Variants in DOP1A observed in about 807,000 individuals in gnomAD.
DOP1A encodes DOP1 leucine zipper like protein A, also known as protein DOP1A.
A neutral mutation model predicts 267.6 loss-of-function variants in DOP1A; 90 were observed. That is an observed-to-expected ratio of 0.34 (90% CI 0.28 to 0.40). The LOEUF is 0.40. DOP1A is among the 10% of genes least tolerant of loss of function. The pLI is 1.00. For missense variants in DOP1A, 2,437 were observed against 2,900.4 expected, an observed-to-expected ratio of 0.84 and a Z score of 3.67; for synonymous variants, 932 against 999.1, an observed-to-expected ratio of 0.93 and a Z score of 1.27.
chr6:83,163,328 A>T (rs982409380), intron 38 of DOP1A, among the ~76,000 whole-genome samples: 9 of 152,180 alleles, frequency 5.9e-5, no homozygotes, highest in Non-Finnish European at 7.3e-5. Flanking sequence ...TGACAAACAA[A>T]AGTATGAGTT....
rs184014992 is a variant in DOP1A at position 83,139,173 on chromosome 6, A to G, written c.5120+11A>G. ...ATTATCTGATAGTAGGTAAGAGGTG[A>G]TTTTTAACTTTATTGGTACTGACAT... is the stretch of plus-strand genomic sequence containing the variant. On this transcript the variant is annotated intron_variant, in intron 21 of 38. Transcript: ENST00000349129. 16 of 1,590,806 alleles carry G rather than the reference A, an allele frequency of 1.0e-5. No homozygotes were observed. In the East Asian group the frequency reaches 3.4e-4, roughly 33 times the overall value.
intron 2 of DOP1A, 50 bp downstream of exon 2, chr6:83,096,873 A>G: frequency 7.5e-7 from 1 of 1,334,206 alleles, no homozygotes; most frequent in Non-Finnish European, 1.0e-6. Context: ...AGATCATATG[A>G]ACCCGTTTTA....
intron 7 of DOP1A, among the ~76,000 whole-genome samples, chr6:83,116,821 C>CA (rs1208418535): frequency 6.6e-6 from 1 of 151,908 alleles, no homozygotes; most frequent in African/African-American, 2.4e-5. Context: ...AAAAAAAATC[C>CA]AAAAAATACA....
At position 83,129,507 on chromosome 6, in the gene DOP1A, T is replaced by C. The variant is rs761874146; in HGVS notation, c.2340T>C (p.Thr780=). ...AGTTACGTTCTGAAAAATTGGAGAC[T>C]GGTAAGGTCATCTCAGTTTTGCTTA... ...TSELRSEKLE[T]DCEHVQPPQW... The change falls in exon 16 of 39, where the codon ACT becomes ACC. Residue 780 remains threonine, a splice_region_variant and synonymous_variant. Coordinates refer to ENST00000349129, the MANE Select transcript of DOP1A (RefSeq NM_015018.4). 1.3e-6 allele frequency: 2 copies of C among 1,513,982 alleles called. No individual in the cohort carries two copies. The highest frequency in any genetic ancestry group is 2.3e-5 in the East Asian group (1 of 43,576). 93.8% of individuals were successfully genotyped at this position (1,513,982 alleles called of 1,614,324 possible). A position where few individuals can be genotyped will look rare whatever the true frequency, so the allele number is the denominator to read the frequency against.
chr6:83,171,313 CTATTTT>C (rs901618958), downstream of DOP1A: 8 of 152,026 alleles, frequency 5.3e-5, no homozygotes, highest in African/African-American at 1.9e-4. Flanking sequence ...TTTTTTATAT[CTATTTT>C]TAATTTTCCA....
At position 83,168,215 on chromosome 6, in the gene DOP1A, A is replaced by G. The variant is rs1786328608; in HGVS notation, c.*48A>G. 1 of 1,563,092 alleles carries G rather than the reference A, an allele frequency of 6.4e-7. No homozygotes were observed. Among genetic ancestry groups the G allele is most frequent in the Non-Finnish European group, 8.6e-7 (1 of 1,159,896 alleles). On this transcript the variant is annotated 3_prime_UTR_variant, in exon 39 of 39. Coordinates refer to ENST00000349129, the MANE Select transcript of DOP1A (RefSeq NM_015018.4). ...GCTTACATGTAAATGTAATTATTTA[A>G]AACACACACACTGCTCTGCGTTGTA...
At chr6:83,099,625 C>G (rs1198160166) in intron 3 of DOP1A, among the ~76,000 whole-genome samples, 2 of 151,566 alleles carry the variant, frequency 1.3e-5, no homozygotes, top group African/African-American at 4.9e-5. Flanking sequence ...GAAGAATACC[C>G]AAGTTGTTTA....
intron 36 of DOP1A, 70 bp from the exon 37 acceptor site, chr6:83,159,726 T>C: frequency 6.4e-7 from 1 of 1,563,800 alleles, no homozygotes; most frequent in Non-Finnish European, 8.8e-7. Context: ...AGCTGGTACT[T>C]TTAGATCTTT....
chr6:83,068,033 G>C (rs1424163279), intron 1 of DOP1A, among the ~76,000 whole-genome samples: 2 of 152,180 alleles, frequency 1.3e-5, no homozygotes, highest in African/African-American at 2.4e-5. Flanking sequence ...GCAGAGGCGC[G>C]AGGGCGGCCC....
intron 7 of DOP1A, among the ~76,000 whole-genome samples, chr6:83,114,450 T>C (rs1297317733): frequency 6.6e-6 from 1 of 152,176 alleles, no homozygotes; most frequent in Non-Finnish European, 1.5e-5. Context: ...TTAAGAAAGA[T>C]TTATGTTTTT....
In DOP1A at chr6:83,167,982, C is replaced by A. The variant is rs1249610275; in HGVS notation, c.7213C>A (p.Gln2405Lys). 1 of 1,614,042 alleles carries A rather than the reference C, an allele frequency of 6.2e-7. No individual in the cohort carries two copies. Among genetic ancestry groups the A allele is most frequent in the Non-Finnish European group, 8.5e-7 (1 of 1,180,038 alleles). Residue 2405 changes from glutamine (Q) to lysine (K), a missense_variant, in exon 39 of 39, where the codon CAA becomes AAA. Transcript: ENST00000349129. ...CCTGCCGTTCTTCAATGTGCTCAGT[C>A]AAGTCTTCAACAGCAAAGTCACAAG... ...QLLPFFNVLS[Q>K]VFNSKVTSRC...
intron 1 of DOP1A, 63 bp from the exon 2 acceptor site, chr6:83,096,668 G>A (rs568091325): frequency 2.4e-6 from 1 of 413,708 alleles, no homozygotes; most frequent in South Asian, 1.1e-4. Context: ...ATTGAAATAA[G>A]TATAAGAAAA....
Position 83,125,659 on chromosome 6 carries a change from TCTG to T in DOP1A, c.1648_1650del (p.Ala550del), listed in dbSNP as rs751917952. On this transcript the variant is annotated inframe_deletion, in exon 15 of 39. Transcript: ENST00000349129. The stretch of plus-strand genomic sequence containing the variant: ...TAGCAAGGTTCAGCCTCCACTGTTA[TCTG>T]CTAGCACTGGAGGTGTTTTGCAGTT... The T allele has an allele frequency of 6.2e-7, 1 of 1,613,788 alleles. No individual in the cohort carries two copies. The highest frequency in any genetic ancestry group is 1.3e-5 in the African/African-American group (1 of 75,022).
chr6:83,166,465 A>C, intron 38 of DOP1A: 2 of 700,828 alleles, frequency 2.9e-6, no homozygotes, highest in Non-Finnish European at 5.2e-6. Flanking sequence ...CTGCTTTATA[A>C]CCTATTTTGA....
chr6:83,145,207 A>ATATATATTTAAAAGT (rs372648555), intron 24 of DOP1A, among the ~76,000 whole-genome samples: 1 of 2,796 alleles, frequency 3.6e-4, no homozygotes, highest in African/African-American at 1.6e-3. Context: ...TATATATAAT[A>ATATATATTTAAAAGT]ATATATATAT....
chr6:83,151,697 C>T (rs1781712909), intron 28 of DOP1A, 38 bp downstream of exon 28: 2 of 1,557,950 alleles, frequency 1.3e-6, no homozygotes, highest in East Asian at 4.5e-5. Context: ...AACTGTTTCT[C>T]AGTGCCCTCA....
At chr6:83,148,285 G>A (rs1237136839) in intron 26 of DOP1A, among the ~76,000 whole-genome samples, 2 of 152,014 alleles carry the variant, frequency 1.3e-5, no homozygotes, top group African/African-American at 4.8e-5. Flanking sequence ...GGCAGCGCAC[G>A]CCTGTAGTCC....
intron 1 of DOP1A, among the ~76,000 whole-genome samples, chr6:83,085,782 TG>T (rs1769074287): frequency 3.9e-5 from 2 of 50,978 alleles, no homozygotes; most frequent in South Asian, 1.5e-3. Context: ...CGGTATTTTA[TG>T]TTATGTTATG....
At position 83,108,978 on chromosome 6, in the gene DOP1A, A is replaced by T. The variant is rs780884557; in HGVS notation, c.389A>T (p.Glu130Val). 1 of 1,613,790 alleles carries T rather than the reference A, an allele frequency of 6.2e-7. No individual in the cohort carries two copies. Among genetic ancestry groups the T allele is most frequent in the Admixed American group, 1.7e-5 (1 of 60,008 alleles). ...AAACCAACATTGCTCAGTTTGTATGAGATATATTATCTGCCTTTGGGTAAA... is the reference window on the plus strand; with the variant it reads ...AAACCAACATTGCTCAGTTTGTATGTGATATATTATCTGCCTTTGGGTAAA... ...SVKPTLLSLYEIYYLPLGKTL... is the reference protein window; with the variant it reads ...SVKPTLLSLYVIYYLPLGKTL... Residue 130 changes from glutamate (E) to valine (V), a missense_variant, in exon 5 of 39, where the codon GAG (glutamate) becomes GTG (valine). Glu to Val is a moderately radical substitution (Grantham distance 121). Around this residue, in one of 9 missense-constraint regions of DOP1A, gnomAD observed 251 missense variants for 359.1 expected, o/e 0.70. Transcript: ENST00000349129.
Sources: gnomAD v4.1 joint callset for allele counts (sites outside exome capture counted in the v4.1 genomes callset) on GRCh38, gnomAD v4.1.1 for gene constraint, gnomAD v4.1.1 regional missense constraint, MANE v1.5 for transcripts, NCBI Gene and HGNC (gene_info 2026-07-23, HGNC 2026-07-21) for gene names.